BIN3: variants seen among roughly 807,000 people sequenced by gnomAD.
BIN3 encodes the protein bridging integrator 3.
BIN3 carries 41 observed loss-of-function variants against 38.2 expected under a neutral mutation model. That is an observed-to-expected ratio of 1.07 (90% CI 0.84 to 1.39). The LOEUF (loss-of-function observed/expected upper bound fraction) is 1.39. Among genes scored for constraint, BIN3 ranks in the 40% most tolerant of loss-of-function variants. The pLI, the probability that BIN3 is intolerant of heterozygous loss-of-function variation, is 0.00. For synonymous variants in BIN3, 145 were observed against 122.6 expected (o/e 1.18, Z -1.21); for missense variants, 361 against 324.3 (o/e 1.11, Z -0.87).
In BIN3 at chr8:22,630,445, T is replaced by A; in HGVS notation, c.294A>T (p.Glu98Asp). The change falls in exon 5 of 9, where the codon GAA becomes GAT. Residue 98 changes from glutamate to aspartate, a missense_variant. By Grantham distance (45) the Glu-to-Asp change is conservative. Transcript: ENST00000276416. The stretch of plus-strand genomic sequence containing the variant: ...CCCCACACCAAGACCTAGTCACCTT[T>A]TCCTGATTGAAGGCATCCATCCGCT... The part of the protein sequence containing the change: ...AMKRMDAFNQ[E>D]KVNQIQKTVI... 1 of 1,613,946 alleles carries A rather than the reference T, an allele frequency of 6.2e-7. No individual in the cohort carries two copies. Among genetic ancestry groups the A allele is most frequent in the African/African-American group, 1.3e-5 (1 of 75,040 alleles).
chr8:22,644,668 A>T, intron 2 of BIN3, 87 bp downstream of exon 2: 1 of 1,338,512 alleles, frequency 7.5e-7, no homozygotes. Context: ...CCCAGCCCCA[A>T]GATGTGTTGA....
At chr8:22,661,548 G>C (rs1390620073) in intron 1 of BIN3, among the ~76,000 whole-genome samples, 1 of 151,274 alleles carries the variant, frequency 6.6e-6, no homozygotes, top group Non-Finnish European at 1.5e-5. Flanking sequence ...AGTAGAGATG[G>C]GGTTTCACCA....
At chr8:22,654,297 A>G (rs1045909917) in intron 1 of BIN3, among the ~76,000 whole-genome samples, 2 of 152,196 alleles carry the variant, frequency 1.3e-5, no homozygotes, top group Non-Finnish European at 2.9e-5. Context: ...GATAAATTAG[A>G]TGTATGTATT....
intron 5 of BIN3, among the ~76,000 whole-genome samples, chr8:22,630,237 G>A (rs1000263700): frequency 9.2e-5 from 14 of 152,214 alleles, no homozygotes; most frequent in South Asian, 2.1e-4. Context: ...ACATGAGCTC[G>A]TGGAGCCTCA....
At chr8:22,625,492 T>C (rs1801975406) in intron 6 of BIN3, 2 of 692,034 alleles carry the variant, frequency 2.9e-6, no homozygotes, top group Admixed American at 4.0e-5. Context: ...TCATAGGCAC[T>C]CAGAGTTGAG....
chr8:22,621,062 T>TC lies in BIN3; in HGVS notation c.*359_*360insG. 5.1e-6 allele frequency: 1 copy of TC among 194,648 alleles called. No homozygotes were observed. The highest frequency in any genetic ancestry group is 1.4e-4 in the East Asian group (1 of 7,242). The allele number at this position is 194,648 out of a possible 1,614,324, so 12.1% of individuals were successfully genotyped here. A position where few individuals can be genotyped will look rare whatever the true frequency, so the allele number is the denominator to read the frequency against. On this transcript the variant is annotated 3_prime_UTR_variant, in exon 9 of 9. Coordinates refer to ENST00000276416, the MANE Select transcript of BIN3 (RefSeq NM_018688.6). The stretch of plus-strand genomic sequence containing the variant: ...CCAGGATGGGTCTTTTGGAGGTAGA[T>TC]TTGATGCCCACAACGCATGCAAGGC...
intron 6 of BIN3, chr8:22,625,882 C>CCGGT (rs1270866295): frequency 5.8e-5 from 9 of 155,828 alleles, no homozygotes; most frequent in Non-Finnish European, 1.3e-4. Flanking sequence ...GCCACCGTGG[C>CCGGT]CGGCCTGTTT....
chr8:22,657,047 G>A (rs182988443), intron 1 of BIN3, among the ~76,000 whole-genome samples: 1 of 152,338 alleles, frequency 6.6e-6, no homozygotes, highest in East Asian at 1.9e-4. Flanking sequence ...TTCACTGAAT[G>A]AGGACACATT....
intron 1 of BIN3, among the ~76,000 whole-genome samples, chr8:22,659,982 C>A (rs1460114341): frequency 6.6e-6 from 1 of 152,086 alleles, no homozygotes; most frequent in South Asian, 2.1e-4. Flanking sequence ...TACTCACCCC[C>A]CAAGAATGGT....
chr8:22,661,658 T>C (rs1320411329), intron 1 of BIN3, among the ~76,000 whole-genome samples: 1 of 151,952 alleles, frequency 6.6e-6, no homozygotes, highest in Non-Finnish European at 1.5e-5. Context: ...GTGCCCAGCC[T>C]ACAATGTTGA....
rs117582420 is a variant in BIN3, at chr8:22,653,422, T to A, written c.9-8619A>T. ...TTTCTACATATTTAAGCACTCACCTTATCATTTTTGTGTTCCATTATTTTT... is the reference window on the plus strand; with the variant it reads ...TTTCTACATATTTAAGCACTCACCTAATCATTTTTGTGTTCCATTATTTTT... On this transcript the variant is annotated intron_variant, in intron 1 of 8. Coordinates refer to ENST00000276416, the MANE Select transcript of BIN3 (RefSeq NM_018688.6). Among the ~76,000 whole-genome samples the A allele has an allele frequency of 2.3e-3, 351 of 152,356 alleles. 7 individuals carry two copies. In the East Asian group the frequency reaches 0.062, roughly 27 times the overall value.
rs760942901 is a variant in BIN3 at position 22,624,315 on chromosome 8, T to G, written c.387A>C (p.Glu129Asp). The G allele has an allele frequency of 6.2e-7, 1 of 1,613,726 alleles. No homozygotes were observed. The highest frequency in any genetic ancestry group is 1.1e-5 in the South Asian group (1 of 91,076). The change falls in exon 7 of 9, where the codon GAA becomes GAC. Residue 129 changes from glutamate (E) to aspartate (D), a missense_variant. Transcript: ENST00000276416. The stretch of plus-strand genomic sequence containing the variant: ...GCCTCCTGTAGTCCTGCAAGGCCTG[T>G]TCCCGCCTCTTCACAGCCATGTTGA... ...PSLNMAVKRR[E>D]QALQDYRRLQ...
At chr8:22,640,781 C>T (rs1802523561) in intron 2 of BIN3, among the ~76,000 whole-genome samples, 1 of 151,936 alleles carries the variant, frequency 6.6e-6, no homozygotes, top group Non-Finnish European at 1.5e-5. Context: ...ACTGCTTGGA[C>T]TTGTACCGGG....
At chr8:22,662,270 T>C (rs994602921) in intron 1 of BIN3, among the ~76,000 whole-genome samples, 10 of 152,318 alleles carry the variant, frequency 6.6e-5, no homozygotes, top group Non-Finnish European at 1.2e-4. Flanking sequence ...ATCTCCAATA[T>C]ACACCCCCTC....
intron 1 of BIN3, among the ~76,000 whole-genome samples, chr8:22,649,067 T>G (rs997160466): frequency 2.0e-5 from 3 of 152,224 alleles, no homozygotes; most frequent in African/African-American, 2.4e-5. Context: ...GCTTCTGTAA[T>G]ATGTTCTCAA....
intron 1 of BIN3, among the ~76,000 whole-genome samples, chr8:22,651,847 G>GT (rs1362678717): frequency 6.6e-6 from 1 of 152,120 alleles, no homozygotes; most frequent in African/African-American, 2.4e-5. Context: ...ATAATCTTCG[G>GT]TTCTGAGATT....
At chr8:22,638,846 A>C (rs1217669072) in intron 2 of BIN3, among the ~76,000 whole-genome samples, 1 of 152,188 alleles carries the variant, frequency 6.6e-6, no homozygotes, top group African/African-American at 2.4e-5. Context: ...TCTTTTCAAC[A>C]GACTCTTTCT....
chr8:22,641,677 CCTT>C (rs1241143452), intron 2 of BIN3, among the ~76,000 whole-genome samples: 1 of 152,232 alleles, frequency 6.6e-6, no homozygotes, highest in Admixed American at 6.5e-5. Context: ...AGATGAAAAT[CCTT>C]CTCCAGTGGA....
chr8:22,646,900 G>C (rs987205463), intron 1 of BIN3, among the ~76,000 whole-genome samples: 1 of 147,612 alleles, frequency 6.8e-6, no homozygotes, highest in Non-Finnish European at 1.5e-5. Context: ...TGAGGTCCTG[G>C]TGGCAAGGAC....
Sources: allele counts gnomAD v4.1 joint callset (sites outside exome capture counted in the v4.1 genomes callset), GRCh38; gene constraint gnomAD v4.1.1; transcripts MANE v1.5; gene names NCBI Gene and HGNC (gene_info 2026-07-23, HGNC 2026-07-21).